The following TENM2 variants were observed in gnomAD, a reference collection of about 807,000 sequenced individuals.
The protein encoded by TENM2 is teneurin-2.
TENM2 carries 52 observed loss-of-function variants against 245.2 expected under a neutral mutation model. The ratio of observed to expected loss-of-function variants is 0.21; its 90% CI spans 0.17 to 0.27. TENM2 has a LOEUF of 0.27. TENM2 is among the 10% of genes least tolerant of loss of function. TENM2 has a pLI of 1.00. For synonymous variants in TENM2, 1,363 were observed against 1,438.9 expected, an observed-to-expected ratio of 0.95 and a Z score of 1.19; for missense variants, 3,046 against 3,666.8, an observed-to-expected ratio of 0.83 and a Z score of 4.37.
intron 5 of TENM2, among the ~76,000 whole-genome samples, chr5:168,031,259 C>A (rs1434083923): frequency 6.6e-6 from 1 of 152,182 alleles, no homozygotes. Context: ...GTCTCCATAA[C>A]CTCTTTTGTA....
At chr5:167,973,941 G>A (rs935019318) in intron 4 of TENM2, among the ~76,000 whole-genome samples, 1 of 149,888 alleles carries the variant, frequency 6.7e-6, no homozygotes, top group African/African-American at 2.4e-5. Context: ...CACCAGAAAG[G>A]GAGGAAACTA....
At chr5:167,244,738 T>A in the TENM2 span, among the ~76,000 whole-genome samples, 2 of 152,088 alleles carry the variant, frequency 1.3e-5, no homozygotes, top group Admixed American at 1.3e-4. Flanking sequence ...AGGCTGTGAG[T>A]GGTGTCTCTC....
chr5:167,541,216 G>T (rs1772190964), intron 2 of TENM2, among the ~76,000 whole-genome samples: 1 of 152,104 alleles, frequency 6.6e-6, no homozygotes, highest in South Asian at 2.1e-4. Flanking sequence ...TATTGTTAAT[G>T]CAAGTTTCAA....
chr5:167,737,255 G>T (rs1242573148), intron 2 of TENM2, among the ~76,000 whole-genome samples: 1 of 152,144 alleles, frequency 6.6e-6, no homozygotes, highest in African/African-American at 2.4e-5. Context: ...AATGTTCTGT[G>T]GTTCATACAG....
At chr5:167,576,978 A>G (rs949006934) in intron 2 of TENM2, among the ~76,000 whole-genome samples, 6 of 152,222 alleles carry the variant, frequency 3.9e-5, no homozygotes, top group Non-Finnish European at 8.8e-5. Context: ...TCAGATTTCC[A>G]AAGCAAAAGC....
chr5:167,320,435 A>C (rs1756640491), intron 1 of TENM2, among the ~76,000 whole-genome samples: 1 of 152,238 alleles, frequency 6.6e-6, no homozygotes, highest in Admixed American at 6.5e-5. Flanking sequence ...ATGACATTTT[A>C]GATCCTTGCC....
intron 3 of TENM2, among the ~76,000 whole-genome samples, chr5:167,951,324 A>C (rs1447501473): frequency 6.6e-6 from 1 of 152,232 alleles, no homozygotes; most frequent in Non-Finnish European, 1.5e-5. Flanking sequence ...AAGGCTCAGC[A>C]GTCACCTGGT....
chr5:168,123,947 T>G lies in TENM2; in HGVS notation c.2009-903T>G, dbSNP rs114752953. ...GGAGGTCCCAGGTTTGATATCATAT[T>G]CTCATGCAAAAAGTCCTGTCCTCAA... On this transcript the variant is annotated intron_variant, in intron 10 of 28. Coordinates refer to ENST00000518659, the Ensembl canonical transcript of TENM2. Among the ~76,000 whole-genome samples the G allele has an allele frequency of 5.6e-3, 852 of 152,348 alleles. 8 individuals are homozygous for G. The highest frequency in any genetic ancestry group is 0.019 in the African/African-American group (798 of 41,582).
At chr5:167,381,135 C>T (rs1390334509) in intron 2 of TENM2, among the ~76,000 whole-genome samples, 1 of 151,974 alleles carries the variant, frequency 6.6e-6, no homozygotes, top group African/African-American at 2.4e-5. Context: ...ATTAGCCATT[C>T]GGAAACTGAG....
intron 3 of TENM2, among the ~76,000 whole-genome samples, chr5:167,910,890 T>C (rs1035274873): frequency 6.6e-6 from 1 of 152,236 alleles, no homozygotes; most frequent in Non-Finnish European, 1.5e-5. Flanking sequence ...AACCTATCAT[T>C]ACTCTCAGAT....
At chr5:167,384,540 T>A (rs1761298787) in intron 2 of TENM2, among the ~76,000 whole-genome samples, 1 of 152,184 alleles carries the variant, frequency 6.6e-6, no homozygotes, top group African/African-American at 2.4e-5. Flanking sequence ...GATGAATAGA[T>A]GTGTAGCAAT....
intron 2 of TENM2, among the ~76,000 whole-genome samples, chr5:167,707,376 T>C (rs903522141): frequency 1.3e-5 from 2 of 150,860 alleles, no homozygotes; most frequent in African/African-American, 2.5e-5. Flanking sequence ...AAGATAGCCT[T>C]CTTGTTTTCT....
intron 2 of TENM2, among the ~76,000 whole-genome samples, chr5:167,609,503 A>C (rs1031618549): frequency 4.1e-5 from 6 of 145,280 alleles, no homozygotes; most frequent in South Asian, 2.3e-4. Context: ...AAAAAAAAAA[A>C]AAAAAAAAAC....
chr5:167,875,146 GA>G lies in TENM2; in HGVS notation c.503-837del, dbSNP rs1301836801. ...TTCAAAGAGTAGTAAGGGCCATGAA[GA>G]AATGTAAGCAGAGTAGTTGCCTAGA... On this transcript the variant is annotated intron_variant, in intron 2 of 28. Coordinates refer to ENST00000518659, the Ensembl canonical transcript of TENM2. Among the ~76,000 whole-genome samples the G allele has an allele frequency of 2.8e-4, 42 of 152,340 alleles. No homozygotes were observed. In the Middle Eastern group the frequency reaches 0.024, roughly 86 times the overall value.
intron 2 of TENM2, among the ~76,000 whole-genome samples, chr5:167,574,201 T>C (rs1048157331): frequency 5.9e-5 from 9 of 152,226 alleles, no homozygotes; most frequent in African/African-American, 2.2e-4. Flanking sequence ...GCAAATTCAA[T>C]TGAAAATAGA....
the TENM2 span, among the ~76,000 whole-genome samples, chr5:167,241,251 G>A: frequency 6.6e-6 from 1 of 152,122 alleles, no homozygotes; most frequent in East Asian, 1.9e-4. Flanking sequence ...AGCATAGTCA[G>A]GCGGGTTAGA....
intron 2 of TENM2, among the ~76,000 whole-genome samples, chr5:167,590,352 C>T (rs572761151): frequency 2.7e-4 from 41 of 151,924 alleles, no homozygotes; most frequent in Middle Eastern, 6.8e-3. Flanking sequence ...TCAATAAATG[C>T]GTACTATATT....
At chr5:167,674,595 C>T (rs1018827592) in intron 2 of TENM2, among the ~76,000 whole-genome samples, 9 of 152,082 alleles carry the variant, frequency 5.9e-5, no homozygotes, top group African/African-American at 2.2e-4. Context: ...CTGCTTATAA[C>T]TTGCCTTGGA....
chr5:167,000,381 G>A, the TENM2 span, among the ~76,000 whole-genome samples: 1 of 152,184 alleles, frequency 6.6e-6, no homozygotes, highest in African/African-American at 2.4e-5. Context: ...CTGTTCATGG[G>A]AAGGTTTATG....
Sources: allele counts gnomAD v4.1 joint callset (sites outside exome capture counted in the v4.1 genomes callset), GRCh38; gene constraint gnomAD v4.1.1; transcripts MANE v1.5; gene names NCBI Gene and HGNC (gene_info 2026-07-23, HGNC 2026-07-21).